The following HYCC1 variants were observed in gnomAD, a reference collection of about 807,000 sequenced individuals.
HYCC1 encodes the protein hyccin.
chr7:22,946,559 T>C, the HYCC1 span, among the ~76,000 whole-genome samples: 1 of 152,036 alleles, frequency 6.6e-6, no homozygotes, highest in Non-Finnish European at 1.5e-5. Context: ...AAAATTGGTA[T>C]TAGAATACTT....
At chr7:22,945,977 T>C in the HYCC1 span, 29 of 1,613,830 alleles carry the variant, frequency 1.8e-5, no homozygotes, top group African/African-American at 2.5e-4. Flanking sequence ...AGTTTCTTTT[T>C]CTTTTCCTCC....
chr7:23,010,778 A>G, the HYCC1 span, among the ~76,000 whole-genome samples: 1 of 152,220 alleles, frequency 6.6e-6, no homozygotes, highest in African/African-American at 2.4e-5. Flanking sequence ...TCCTGAGATT[A>G]TTGTAAATTA....
At chr7:22,965,144 AAAAG>A in the HYCC1 span, among the ~76,000 whole-genome samples, 6 of 151,212 alleles carry the variant, frequency 4.0e-5, no homozygotes, top group Non-Finnish European at 5.9e-5. Flanking sequence ...AAAAAAAAAA[AAAAG>A]AAAGAAAGAA....
the HYCC1 span, among the ~76,000 whole-genome samples, chr7:22,914,953 G>C: frequency 6.6e-6 from 1 of 152,154 alleles, no homozygotes; most frequent in Non-Finnish European, 1.5e-5. Flanking sequence ...GAGGTGGCCG[G>C]AGCTGAAGGC....
the HYCC1 span, among the ~76,000 whole-genome samples, chr7:23,008,600 C>A: frequency 6.6e-6 from 1 of 151,842 alleles, no homozygotes; most frequent in Admixed American, 6.6e-5. Flanking sequence ...TAAGTATTCA[C>A]AAAACCATTT....
chr7:22,973,545 T>C, the HYCC1 span, among the ~76,000 whole-genome samples: 42 of 152,212 alleles, frequency 2.8e-4, 1 homozygote, highest in Admixed American at 4.6e-4. Context: ...ATTATTTAGA[T>C]AGCTTAAGTC....
chr7:23,003,494 T>C, the HYCC1 span, among the ~76,000 whole-genome samples: 4 of 152,202 alleles, frequency 2.6e-5, no homozygotes, highest in Non-Finnish European at 5.9e-5. Flanking sequence ...AATGTAAACA[T>C]TATCTTTCAA....
At chr7:22,947,327 A>G in the HYCC1 span, 1 of 1,184,778 alleles carries the variant, frequency 8.4e-7, no homozygotes, top group Non-Finnish European at 1.2e-6. Context: ...AAGACTCAAA[A>G]CAAAAATTAG....
the HYCC1 span, among the ~76,000 whole-genome samples, chr7:22,906,332 C>G: frequency 6.6e-6 from 1 of 152,120 alleles, no homozygotes; most frequent in Non-Finnish European, 1.5e-5. Flanking sequence ...AATCTCAGCA[C>G]TTTGGGAGAC....
At chr7:23,014,030 C>A in the HYCC1 span, 1 of 471,144 alleles carries the variant, frequency 2.1e-6, no homozygotes, top group Non-Finnish European at 4.4e-6. Flanking sequence ...ACCACCTGCT[C>A]CCCTTCTTCC....
chr7:22,901,513 C>A, the HYCC1 span, among the ~76,000 whole-genome samples: 1 of 151,902 alleles, frequency 6.6e-6, no homozygotes, highest in African/African-American at 2.4e-5. Context: ...AAATACAAAT[C>A]CTAAGAACAT....
chr7:22,912,576 T>C, the HYCC1 span, among the ~76,000 whole-genome samples: 7 of 152,128 alleles, frequency 4.6e-5, no homozygotes, highest in Non-Finnish European at 1.0e-4. Flanking sequence ...TTGCTCAAGT[T>C]AGCAAGGAGA....
the HYCC1 span, among the ~76,000 whole-genome samples, chr7:22,999,915 C>T: frequency 6.6e-6 from 1 of 151,826 alleles, no homozygotes; most frequent in African/African-American, 2.4e-5. Context: ...ATTGCAAGGG[C>T]CATCATGAGA....
chr7:22,925,782 C>CAT, the HYCC1 span, among the ~76,000 whole-genome samples: 2 of 151,896 alleles, frequency 1.3e-5, no homozygotes, highest in South Asian at 4.2e-4. Flanking sequence ...AGGAGAACTT[C>CAT]CCCAATCTAG....
chr7:22,935,937 C>A, the HYCC1 span: 1 of 150,304 alleles, frequency 6.7e-6, no homozygotes, highest in Non-Finnish European at 1.5e-5. Context: ...GCATAAGCCA[C>A]TGCGCCTGGC....
the HYCC1 span, among the ~76,000 whole-genome samples, chr7:22,925,787 A>C: frequency 6.6e-6 from 1 of 152,250 alleles, no homozygotes; most frequent in Non-Finnish European, 1.5e-5. Flanking sequence ...AACTTCCCCA[A>C]TCTAGCAAGG....
chr7:22,931,420 A>G, the HYCC1 span, among the ~76,000 whole-genome samples: 7 of 152,104 alleles, frequency 4.6e-5, no homozygotes, highest in Non-Finnish European at 1.0e-4. Context: ...TTGTTACAGT[A>G]CCCATAGGAA....
the HYCC1 span, chr7:22,978,476 A>T: frequency 6.3e-7 from 1 of 1,578,542 alleles, no homozygotes. Flanking sequence ...TGTTAATTCA[A>T]GAACTGGACT....
chr7:22,986,224 G>A, the HYCC1 span, among the ~76,000 whole-genome samples: 1 of 152,110 alleles, frequency 6.6e-6, no homozygotes, highest in African/African-American at 2.4e-5. Context: ...ACTGATAAAT[G>A]AAAGGAAGGG....
Sources: allele counts gnomAD v4.1 joint callset (sites outside exome capture counted in the v4.1 genomes callset), GRCh38; gene constraint gnomAD v4.1.1; transcripts MANE v1.5; gene names NCBI Gene and HGNC (gene_info 2026-07-23, HGNC 2026-07-21).